DPP10: variants seen among roughly 807,000 people sequenced by gnomAD.
DPP10 encodes inactive dipeptidyl peptidase 10.
A neutral mutation model predicts 120.9 loss-of-function variants in DPP10; 33 were observed. That is an observed-to-expected ratio of 0.27 (90% CI 0.21 to 0.37). The LOEUF is 0.37. Among genes scored for constraint, DPP10 ranks in the 10% least tolerant of loss-of-function variants. The probability of loss-of-function intolerance (pLI) is 1.00; values close to 1 mark genes in which losing one functional copy is unlikely to be tolerated. For missense variants in DPP10, 816 were observed against 942.8 expected, an observed-to-expected ratio of 0.87 and a Z score of 1.76; for synonymous variants, 337 against 326.1, an observed-to-expected ratio of 1.03 and a Z score of -0.36.
intron 1 of DPP10, among the ~76,000 whole-genome samples, chr2:114,929,405 C>A (rs1695894969): frequency 6.6e-6 from 1 of 152,210 alleles, no homozygotes; most frequent in African/African-American, 2.4e-5. Flanking sequence ...CAGACCAGGG[C>A]TTATTTCATC....
intron 1 of DPP10, among the ~76,000 whole-genome samples, chr2:114,601,843 C>T (rs1033103684): frequency 1.3e-5 from 2 of 151,882 alleles, no homozygotes; most frequent in Non-Finnish European, 2.9e-5. Flanking sequence ...GGGAGTGCCA[C>T]TAATGCAGAC....
chr2:115,621,604 T>C (rs1402438935), intron 5 of DPP10, among the ~76,000 whole-genome samples: 3 of 152,226 alleles, frequency 2.0e-5, no homozygotes, highest in East Asian at 1.9e-4. Flanking sequence ...GTATTTTCAA[T>C]CCGCACAATT....
At chr2:114,963,126 A>G (rs1479452796) in intron 1 of DPP10, among the ~76,000 whole-genome samples, 1 of 152,232 alleles carries the variant, frequency 6.6e-6, no homozygotes, top group Non-Finnish European at 1.5e-5. Flanking sequence ...ATATACTTAT[A>G]CACGAGGACA....
chr2:115,766,492 A>T (rs1357915451), intron 12 of DPP10, among the ~76,000 whole-genome samples: 1 of 151,654 alleles, frequency 6.6e-6, no homozygotes, highest in Non-Finnish European at 1.5e-5. Context: ...TTTGCCATTA[A>T]GAGTAATGGT....
At chr2:115,344,450 C>T (rs1270222194) in intron 3 of DPP10, among the ~76,000 whole-genome samples, 1 of 151,996 alleles carries the variant, frequency 6.6e-6, no homozygotes, top group Non-Finnish European at 1.5e-5. Flanking sequence ...TCAGATTTGA[C>T]AATATGATTG....
intron 1 of DPP10, among the ~76,000 whole-genome samples, chr2:114,949,674 T>A (rs1158141483): frequency 6.6e-6 from 1 of 152,100 alleles, no homozygotes; most frequent in Non-Finnish European, 1.5e-5. Flanking sequence ...TTACCCCAAA[T>A]TCTCTGTCTT....
intron 1 of DPP10, among the ~76,000 whole-genome samples, chr2:115,091,530 T>TC (rs1233074322): frequency 2.0e-5 from 3 of 152,016 alleles, no homozygotes; most frequent in African/African-American, 7.3e-5. Flanking sequence ...CCTCGCCTTC[T>TC]CCCCCCTCAA....
At chr2:114,777,922 T>C (rs1298321655) in intron 1 of DPP10, among the ~76,000 whole-genome samples, 1 of 152,100 alleles carries the variant, frequency 6.6e-6, no homozygotes, top group Non-Finnish European at 1.5e-5. Flanking sequence ...TAAATAATTG[T>C]AGGGTAGTGG....
intron 7 of DPP10, among the ~76,000 whole-genome samples, chr2:115,701,638 A>G (rs2091893325): frequency 6.6e-6 from 1 of 152,110 alleles, no homozygotes; most frequent in African/African-American, 2.4e-5. Flanking sequence ...GTGCATCAAG[A>G]ACACTATCAT....
chr2:115,656,143 C>G (rs1575451414), intron 5 of DPP10, among the ~76,000 whole-genome samples: 1 of 143,342 alleles, frequency 7.0e-6, no homozygotes, highest in Non-Finnish European at 1.5e-5. Context: ...AACACACACA[C>G]ACACACACAC....
At chr2:114,695,355 G>A (rs1339834256) in intron 1 of DPP10, among the ~76,000 whole-genome samples, 1 of 152,034 alleles carries the variant, frequency 6.6e-6, no homozygotes, top group Non-Finnish European at 1.5e-5. Context: ...ATCTAGAGCG[G>A]GGGCCATTTG....
intron 1 of DPP10, among the ~76,000 whole-genome samples, chr2:114,962,008 T>C (rs1698676373): frequency 6.6e-6 from 1 of 152,130 alleles, no homozygotes; most frequent in Admixed American, 6.6e-5. Context: ...CATTAATTAA[T>C]TACTATAGTT....
intron 1 of DPP10, among the ~76,000 whole-genome samples, chr2:114,481,999 G>T (rs1309646997): frequency 1.3e-5 from 2 of 151,466 alleles, no homozygotes; most frequent in African/African-American, 4.9e-5. Flanking sequence ...GAGAGAGAGA[G>T]AAAGAGAAAG....
intron 3 of DPP10, among the ~76,000 whole-genome samples, chr2:115,348,111 G>T (rs539257078): frequency 6.6e-6 from 1 of 152,216 alleles, no homozygotes; most frequent in African/African-American, 2.4e-5. Flanking sequence ...TTGCTTCTGA[G>T]ACTGCTCAGA....
intron 1 of DPP10, among the ~76,000 whole-genome samples, chr2:115,122,642 A>G (rs1419399490): frequency 3.3e-5 from 5 of 152,236 alleles, no homozygotes; most frequent in Admixed American, 2.6e-4. Flanking sequence ...TGGACATATA[A>G]ATAACAAACT....
chr2:115,719,116 A>G (rs1037387187), intron 7 of DPP10, among the ~76,000 whole-genome samples: 3 of 152,136 alleles, frequency 2.0e-5, no homozygotes, highest in African/African-American at 7.2e-5. Context: ...TAGCCAAGAG[A>G]AAGTCTGTTA....
chr2:115,693,583 C>T (rs1448756286), intron 7 of DPP10, among the ~76,000 whole-genome samples: 3 of 152,020 alleles, frequency 2.0e-5, no homozygotes, highest in African/African-American at 4.8e-5. Context: ...GAAACCAACA[C>T]CTATGACAAA....
At chr2:115,409,578 A>G (rs977740011) in intron 3 of DPP10, among the ~76,000 whole-genome samples, 5 of 152,242 alleles carry the variant, frequency 3.3e-5, no homozygotes, top group Admixed American at 1.3e-4. Flanking sequence ...GTAAACTACT[A>G]TAACCACTAC....
Position 115,499,558 on chromosome 2 carries a change from A to G in DPP10, c.320A>G (p.Asn107Ser), listed in dbSNP as rs1312095825. The change falls in exon 4 of 26, where the codon AAT becomes AGT. Residue 107 changes from asparagine (N) to serine (S), a missense_variant. Around this residue, in one of 3 missense-constraint regions of DPP10, gnomAD observed 182 missense variants for 207.4 expected, o/e 0.88. Coordinates refer to ENST00000410059, the MANE Select transcript of DPP10 (RefSeq NM_020868.6). ...GAGAATGGACATGTCATTAAACTGA[A>G]TATAGAAACAAATGCTACCACATTA... is the stretch of plus-strand genomic sequence containing the variant. ...KSENGHVIKL[N>S]IETNATTLLL... 1 of 1,611,962 alleles carries G rather than the reference A, an allele frequency of 6.2e-7. No homozygotes were observed.
Sources: gnomAD v4.1 joint callset for allele counts (sites outside exome capture counted in the v4.1 genomes callset) on GRCh38, gnomAD v4.1.1 for gene constraint, gnomAD v4.1.1 regional missense constraint, MANE v1.5 for transcripts, NCBI Gene and HGNC (gene_info 2026-07-23, HGNC 2026-07-21) for gene names.